NEO1: variants seen among roughly 807,000 people sequenced by gnomAD.
The protein encoded by NEO1 is neogenin.
NEO1 carries 63 observed loss-of-function variants against 159.7 expected under a neutral mutation model. The observed-to-expected ratio is 0.39, with a 90% CI of 0.32 to 0.49. The LOEUF (loss-of-function observed/expected upper bound fraction) is 0.49. Ranked by LOEUF, NEO1 falls within the 20% of genes least tolerant of loss-of-function variation. The pLI, the probability that NEO1 is intolerant of heterozygous loss-of-function variation, is 0.85. For missense variants in NEO1, 1,615 were observed against 1,831.0 expected, an observed-to-expected ratio of 0.88 and a Z score of 2.15; for synonymous variants, 633 against 662.0, an observed-to-expected ratio of 0.96 and a Z score of 0.67.
At chr15:73,064,987 CTG>C (rs2068143840) in intron 1 of NEO1, among the ~76,000 whole-genome samples, 2 of 151,908 alleles carry the variant, frequency 1.3e-5, no homozygotes, top group South Asian at 4.2e-4. Context: ...TTAAGTTACT[CTG>C]TATTTCCCTC....
chr15:73,280,337 T>C (rs1216275483), intron 22 of NEO1, among the ~76,000 whole-genome samples: 13 of 151,602 alleles, frequency 8.6e-5, no homozygotes. Flanking sequence ...CATAAAGAAA[T>C]GGCATATATA....
intron 7 of NEO1, among the ~76,000 whole-genome samples, chr15:73,233,167 C>T (rs1042059296): frequency 4.6e-5 from 7 of 152,152 alleles, no homozygotes; most frequent in African/African-American, 1.7e-4. Flanking sequence ...GTTGCTTTCT[C>T]TTACCTGCTC....
intron 26 of NEO1, among the ~76,000 whole-genome samples, chr15:73,295,584 G>T (rs541808221): frequency 2.0e-5 from 3 of 152,076 alleles, no homozygotes; most frequent in East Asian, 1.9e-4. Context: ...AGAATAATTT[G>T]CATTACTGAG....
In NEO1 at chr15:73,127,925, A is replaced by G. The variant is rs186399675; in HGVS notation, c.878+1355A>G. ...ATTGACTTGGACAGGGCAGATCTAG[A>G]GTTTCCCAGTTGCAAAATCAAAAGT... On this transcript the variant is annotated intron_variant, in intron 4 of 28. Coordinates refer to ENST00000261908, the MANE Select transcript of NEO1 (RefSeq NM_002499.4). Among the ~76,000 whole-genome samples, 16 of 152,274 alleles carry G rather than the reference A, an allele frequency of 1.1e-4. No homozygotes were observed. In the East Asian group the frequency reaches 1.3e-3, roughly 13 times the overall value.
intron 7 of NEO1, among the ~76,000 whole-genome samples, chr15:73,211,790 G>A (rs1032335513): frequency 6.6e-5 from 10 of 152,088 alleles, no homozygotes; most frequent in African/African-American, 2.4e-4. Context: ...CAGAGAAGAA[G>A]CCCAAGGAAG....
rs374229611 is a variant in NEO1 at position 73,270,133 on chromosome 15, C to T, written c.2618C>T (p.Thr873Met). 6.8e-6 allele frequency: 11 copies of T among 1,614,038 alleles called. No homozygotes were observed. The highest frequency in any genetic ancestry group is 2.7e-5 in the African/African-American group (2 of 74,900). The change falls in exon 17 of 29, where the codon ACG (threonine) becomes ATG (methionine). Residue 873 changes from threonine (T) to methionine (M), a missense_variant. Physicochemically the swap from Thr to Met is moderately conservative, Grantham distance 81. This residue lies in a region of NEO1 where 1,018 missense variants were observed against 1,115.4 expected (regional missense o/e 0.91). Transcript: ENST00000261908. ...CTGAGTCATGACACCATCAGGATTA[C>T]GTGGGCAGACAACTCGCTGCCCAAG... is the stretch of plus-strand genomic sequence containing the variant. Reference protein sequence around the residue: ...SILSHDTIRITWADNSLPKHQ... With the variant: ...SILSHDTIRIMWADNSLPKHQ...
chr15:73,240,565 G>A (rs1047338227), intron 8 of NEO1, among the ~76,000 whole-genome samples: 7 of 152,148 alleles, frequency 4.6e-5, no homozygotes, highest in Non-Finnish European at 1.5e-5. Context: ...CAGATAAGAA[G>A]GGACCATTTT....
At chr15:73,159,106 T>A (rs2033990776) in intron 5 of NEO1, among the ~76,000 whole-genome samples, 2 of 152,180 alleles carry the variant, frequency 1.3e-5, no homozygotes, top group Admixed American at 1.3e-4. Flanking sequence ...TCAAAAATTT[T>A]TTTAAAAAGA....
chr15:73,075,770 G>A (rs1451537588), intron 1 of NEO1, among the ~76,000 whole-genome samples: 1 of 152,054 alleles, frequency 6.6e-6, no homozygotes, highest in Non-Finnish European at 1.5e-5. Context: ...TGTTTAATCT[G>A]TGTGCTTGTG....
intron 4 of NEO1, among the ~76,000 whole-genome samples, chr15:73,135,601 G>A (rs962342187): frequency 1.3e-5 from 2 of 152,200 alleles, no homozygotes; most frequent in Admixed American, 1.3e-4. Flanking sequence ...TGGGCTGAAG[G>A]AAGTGAAATT....
rs181748278 is a variant in NEO1, at chr15:73,165,511, T to C, written c.1016-10892T>C. Among the ~76,000 whole-genome samples the C allele has an allele frequency of 9.5e-4, 144 of 152,308 alleles. 1 individual carries two copies. The highest frequency in any genetic ancestry group is 2.8e-4 in the Non-Finnish European group (19 of 68,030). On this transcript the variant is annotated intron_variant, in intron 5 of 28. Coordinates refer to ENST00000261908, the MANE Select transcript of NEO1 (RefSeq NM_002499.4). The stretch of plus-strand genomic sequence containing the variant: ...TCAAACCATCCAGTAGTCAATTTTC[T>C]TAAATAGTCAACAAGCATGGTAAAA...
At chr15:73,158,208 C>CTTTTTTTTTTTTTTTTT (rs1047852394) in intron 5 of NEO1, among the ~76,000 whole-genome samples, 2 of 82,548 alleles carry the variant, frequency 2.4e-5, no homozygotes, top group Non-Finnish European at 4.4e-5. Flanking sequence ...GAGTGAGACT[C>CTTTTTTTTTTTTTTTTT]TTTTTTTTTT....
intron 16 of NEO1, among the ~76,000 whole-genome samples, chr15:73,269,453 C>T (rs967085184): frequency 1.3e-5 from 2 of 152,290 alleles, no homozygotes; most frequent in Admixed American, 6.5e-5. Flanking sequence ...CTCCATCTCC[C>T]AGATTCAAGC....
intron 7 of NEO1, among the ~76,000 whole-genome samples, chr15:73,218,155 A>C (rs1295032875): frequency 1.3e-5 from 2 of 152,282 alleles, no homozygotes; most frequent in South Asian, 4.2e-4. Context: ...AATTTTGTCA[A>C]AGGCCTTTTC....
chr15:73,090,471 A>G (rs1297201617), intron 1 of NEO1, among the ~76,000 whole-genome samples: 1 of 152,238 alleles, frequency 6.6e-6, no homozygotes, highest in Non-Finnish European at 1.5e-5. Context: ...TGTTAATATG[A>G]TAATCTCTGC....
intron 5 of NEO1, among the ~76,000 whole-genome samples, chr15:73,173,716 T>C (rs2035111591): frequency 1.3e-5 from 2 of 152,318 alleles, no homozygotes; most frequent in Admixed American, 6.5e-5. Flanking sequence ...AAACAAATAT[T>C]GGCAGCATGT....
At chr15:73,261,469 A>G (rs1278128362) in intron 15 of NEO1, among the ~76,000 whole-genome samples, 1 of 152,200 alleles carries the variant, frequency 6.6e-6, no homozygotes, top group Non-Finnish European at 1.5e-5. Context: ...AAGTGAATTT[A>G]GCAAGGCCAC....
intron 5 of NEO1, among the ~76,000 whole-genome samples, chr15:73,137,813 T>C (rs2031926641): frequency 6.6e-6 from 1 of 152,162 alleles, no homozygotes; most frequent in Non-Finnish European, 1.5e-5. Context: ...AGGTATAACA[T>C]TGATGAGCAA....
intron 7 of NEO1, among the ~76,000 whole-genome samples, chr15:73,200,667 TA>T (rs1225357463): frequency 1.4e-5 from 2 of 142,912 alleles, no homozygotes; most frequent in Non-Finnish European, 3.1e-5. Context: ...AGTATTCCCT[TA>T]TCTTTTTTTT....
Sources: allele counts gnomAD v4.1 joint callset (sites outside exome capture counted in the v4.1 genomes callset), GRCh38; gene constraint gnomAD v4.1.1; regional missense constraint gnomAD v4.1.1; transcripts MANE v1.5; gene names NCBI Gene and HGNC (gene_info 2026-07-23, HGNC 2026-07-21).